Variants in GPRIN3 observed in about 807,000 individuals in gnomAD.
GPRIN3 encodes the protein G protein-regulated inducer of neurite outgrowth 3.
GPRIN3 carries 12 observed loss-of-function variants against 13.7 expected under a neutral mutation model. The ratio of observed to expected loss-of-function variants is 0.87; its 90% CI spans 0.56 to 1.42. GPRIN3 has a LOEUF of 1.42. GPRIN3 is among the 40% of genes most tolerant of loss of function. The probability of loss-of-function intolerance (pLI) is 0.00; values close to 1 mark genes in which losing one functional copy is unlikely to be tolerated. For synonymous variants in GPRIN3, 377 were observed against 372.7 expected (o/e 1.01, Z -0.13); for missense variants, 1,009 against 958.7 (o/e 1.05, Z -0.69).
chr4:89,273,262 T>C (rs1724008080), intron 1 of GPRIN3, among the ~76,000 whole-genome samples: 1 of 152,214 alleles, frequency 6.6e-6, no homozygotes, highest in Admixed American at 6.5e-5. Context: ...ATTTAGAATG[T>C]AACATTAATT....
Position 89,236,842 on chromosome 4 carries a change from C to G in GPRIN3, c.*10938G>C, listed in dbSNP as rs890533128. On this transcript the variant is annotated 3_prime_UTR_variant, in exon 2 of 2. Coordinates refer to ENST00000609438, the MANE Select transcript of GPRIN3 (RefSeq NM_198281.3). ...AAAACTGTGCATGTATACATTATAC[C>G]TCCTAAGGTTGAGACATAGATGGAA... 6.6e-6 allele frequency: 1 copy of G among 152,066 alleles called. No homozygotes were observed. The highest frequency in any genetic ancestry group is 2.4e-5 in the African/African-American group (1 of 41,390). The allele number at this position is 152,066 out of a possible 1,614,324, so 9.4% of individuals were successfully genotyped here.
At chr4:89,252,602 T>C (rs1045290487) in intron 1 of GPRIN3, among the ~76,000 whole-genome samples, 5 of 152,216 alleles carry the variant, frequency 3.3e-5, no homozygotes, top group Admixed American at 3.3e-4. Flanking sequence ...TGAAAATACA[T>C]AATTTTATCC....
At position 89,248,798 on chromosome 4, in the gene GPRIN3, C is replaced by T; in HGVS notation, c.1313G>A (p.Gly438Glu). 6.2e-7 allele frequency: 1 copy of T among 1,614,192 alleles called. No homozygotes were observed. Among genetic ancestry groups the T allele is most frequent in the Non-Finnish European group, 8.5e-7 (1 of 1,180,018 alleles). The stretch of plus-strand genomic sequence containing the variant: ...CACTGGAGTCATTCCTGCTAACCTC[C>T]CATCTTCTTTACACGTATGCTGGGC... ...SNAQHTCKEDGRLAGMTPVRE... is the reference protein window; with the variant it reads ...SNAQHTCKEDERLAGMTPVRE... Residue 438 changes from glycine to glutamate, a missense_variant, in exon 2 of 2, where the codon GGG (glycine) becomes GAG (glutamate). Transcript: ENST00000609438.
At chr4:89,302,526 A>G (rs1483586259) in intron 1 of GPRIN3, among the ~76,000 whole-genome samples, 3 of 152,150 alleles carry the variant, frequency 2.0e-5, no homozygotes, top group Non-Finnish European at 2.9e-5. Flanking sequence ...GGTAATAATA[A>G]TTGGGGCCCC....
rs1393929431 is a variant in GPRIN3, at chr4:89,237,541, G to A, written c.*10239C>T. ...GGACACTTCATCCCTTTTACTGTGT[G>A]AGGACACAGCAAACAGGCACCACAC... On this transcript the variant is annotated 3_prime_UTR_variant, in exon 2 of 2. Coordinates refer to ENST00000609438, the MANE Select transcript of GPRIN3 (RefSeq NM_198281.3). 1.3e-5 allele frequency: 2 copies of A among 152,128 alleles called. No individual in the cohort carries two copies. The highest frequency in any genetic ancestry group is 2.9e-5 in the Non-Finnish European group (2 of 68,034). The allele number at this position is 152,128 out of a possible 1,614,324, so 9.4% of individuals were successfully genotyped here.
chr4:89,281,208 C>T (rs1295689996), intron 1 of GPRIN3, among the ~76,000 whole-genome samples: 6 of 152,080 alleles, frequency 3.9e-5, no homozygotes, highest in Non-Finnish European at 7.4e-5. Context: ...ACTGCAACCT[C>T]CACTTCCTGG....
Position 89,242,383 on chromosome 4 carries a change from C to T in GPRIN3, c.*5397G>A, listed in dbSNP as rs1722967552. On this transcript the variant is annotated 3_prime_UTR_variant, in exon 2 of 2. Transcript: ENST00000609438. The stretch of plus-strand genomic sequence containing the variant: ...AGTTAACTGAATTGCTTTCTACATG[C>T]TAGTGTCCAGAAAGAGTAATTACCA... 6.6e-6 allele frequency: 1 copy of T among 152,182 alleles called. No individual in the cohort carries two copies. The highest frequency in any genetic ancestry group is 2.4e-5 in the African/African-American group (1 of 41,436). 9.4% of individuals were successfully genotyped at this position (152,182 alleles called of 1,614,324 possible). A position where few individuals can be genotyped will look rare whatever the true frequency, so the allele number is the denominator to read the frequency against.
intron 1 of GPRIN3, among the ~76,000 whole-genome samples, chr4:89,295,840 AT>A (rs962524355): frequency 1.2e-4 from 18 of 151,716 alleles, no homozygotes; most frequent in South Asian, 4.2e-4. Context: ...TATCTAAACC[AT>A]TTTTTTTAAC....
intron 1 of GPRIN3, among the ~76,000 whole-genome samples, chr4:89,293,062 G>A (rs548071740): frequency 6.6e-6 from 1 of 152,232 alleles, no homozygotes; most frequent in East Asian, 1.9e-4. Context: ...GTTTTTGAAT[G>A]GAATTAAACC....
intron 1 of GPRIN3, among the ~76,000 whole-genome samples, chr4:89,302,777 G>T (rs1389330769): frequency 2.0e-5 from 3 of 152,034 alleles, no homozygotes; most frequent in Admixed American, 2.0e-4. Context: ...TGTTATTCCA[G>T]ACTTGACTCT....
rs965362963 is a variant in GPRIN3, at chr4:89,245,301, G to A, written c.*2479C>T. 8 of 152,166 alleles carry A rather than the reference G, an allele frequency of 5.3e-5. No homozygotes were observed. The highest frequency in any genetic ancestry group is 7.3e-5 in the Non-Finnish European group (5 of 68,030). The allele number at this position is 152,166 out of a possible 1,614,324, so 9.4% of individuals were successfully genotyped here. A position where few individuals can be genotyped will look rare whatever the true frequency, so the allele number is the denominator to read the frequency against. On this transcript the variant is annotated 3_prime_UTR_variant, in exon 2 of 2. Transcript: ENST00000609438. ...ATTTTGTGACAATCTCTTGAGTGTT[G>A]TAGAAGTGAAGAATTTGGTCCCAGC... is the stretch of plus-strand genomic sequence containing the variant.
chr4:89,297,447 C>A (rs931720949), intron 1 of GPRIN3, among the ~76,000 whole-genome samples: 1 of 152,088 alleles, frequency 6.6e-6, no homozygotes, highest in Non-Finnish European at 1.5e-5. Context: ...AAACCCTCTT[C>A]CCGCATGTGT....
intron 1 of GPRIN3, among the ~76,000 whole-genome samples, chr4:89,254,792 G>A (rs900678042): frequency 2.6e-5 from 4 of 152,078 alleles, no homozygotes; most frequent in Non-Finnish European, 4.4e-5. Flanking sequence ...GGTCTTTGAG[G>A]AATCTCCACA....
Position 89,248,719 on chromosome 4 carries a change from T to C in GPRIN3, c.1392A>G (p.Lys464=), listed in dbSNP as rs1404616657. Residue 464 remains lysine, a synonymous_variant, in exon 2 of 2, where the codon AAA becomes AAG. Coordinates refer to ENST00000609438, the MANE Select transcript of GPRIN3 (RefSeq NM_198281.3). The part of the protein sequence containing the change: ...KLAGTNSSSL[K]ATAIDQISIS... ...TAGAAATCTGGTCAATGGCGGTAGC[T>C]TTCAGGGAGCTAGAATTAGTACCTG... 1.2e-6 allele frequency: 2 copies of C among 1,614,194 alleles called. No homozygotes were observed. The highest frequency in any genetic ancestry group is 8.5e-7 in the Non-Finnish European group (1 of 1,180,034).
At chr4:89,256,072 T>A (rs917827715) in intron 1 of GPRIN3, among the ~76,000 whole-genome samples, 1 of 152,168 alleles carries the variant, frequency 6.6e-6, no homozygotes, top group African/African-American at 2.4e-5. Flanking sequence ...AGAGGCTAAG[T>A]AACCCACTCA....
At position 89,245,198 on chromosome 4, in the gene GPRIN3, A is replaced by G. The variant is rs910997880; in HGVS notation, c.*2582T>C. On this transcript the variant is annotated 3_prime_UTR_variant, in exon 2 of 2. Coordinates refer to ENST00000609438, the MANE Select transcript of GPRIN3 (RefSeq NM_198281.3). ...CTATCTTATTTATCCATCTGAAGAT[A>G]TATTTCTGTTAATGTCCTTAAAAGC... 3.9e-5 allele frequency: 6 copies of G among 152,220 alleles called. No homozygotes were observed. Among genetic ancestry groups the G allele is most frequent in the African/African-American group, 1.4e-4 (6 of 41,450 alleles). The allele number at this position is 152,220 out of a possible 1,614,324, so 9.4% of individuals were successfully genotyped here.
chr4:89,303,433 G>C (rs1035910488), intron 1 of GPRIN3, among the ~76,000 whole-genome samples: 1 of 152,096 alleles, frequency 6.6e-6, no homozygotes, highest in Non-Finnish European at 1.5e-5. Flanking sequence ...GGCCTAACCA[G>C]TAAATTACTG....
intron 1 of GPRIN3, among the ~76,000 whole-genome samples, chr4:89,298,796 A>T (rs1410979837): frequency 6.6e-6 from 1 of 151,926 alleles, no homozygotes; most frequent in Non-Finnish European, 1.5e-5. Context: ...CTCCTAAATA[A>T]ATTCCTATTT....
chr4:89,239,327 G>C lies in GPRIN3; in HGVS notation c.*8453C>G, dbSNP rs1356351281. ...AATTTTTAAGTTATAATTTTTCTGG[G>C]TATTATTCAAATTAATACACATCTT... On this transcript the variant is annotated 3_prime_UTR_variant, in exon 2 of 2. Coordinates refer to ENST00000609438, the MANE Select transcript of GPRIN3 (RefSeq NM_198281.3). The C allele has an allele frequency of 6.6e-6, 1 of 151,810 alleles. No individual in the cohort carries two copies. The highest frequency in any genetic ancestry group is 6.6e-5 in the Admixed American group (1 of 15,254). 9.4% of individuals were successfully genotyped at this position (151,810 alleles called of 1,614,324 possible).
Sources: allele counts gnomAD v4.1 joint callset (sites outside exome capture counted in the v4.1 genomes callset), GRCh38; gene constraint gnomAD v4.1.1; transcripts MANE v1.5; gene names NCBI Gene and HGNC (gene_info 2026-07-23, HGNC 2026-07-21).